Variants in GNAS-AS1 observed in about 807,000 individuals in gnomAD.
GNAS-AS1 encodes GNAS antisense RNA 1.
At chr20:58,819,891 C>T (rs1188368330) in intron 4 of GNAS-AS1, among the ~76,000 whole-genome samples, 2 of 152,208 alleles carry the variant, frequency 1.3e-5, no homozygotes, top group African/African-American at 4.8e-5. Flanking sequence ...TGAGGTAGAA[C>T]AGCTGGGACC....
In GNAS-AS1 at chr20:58,840,381, ACCTTGAGCTGTC is replaced by A. The variant is rs2085671687; in HGVS notation, n.819+1544_819+1555del. On this transcript the variant is annotated intron_variant and non_coding_transcript_variant, in intron 4 of 4. Coordinates refer to ENST00000424094, the Ensembl canonical transcript of GNAS-AS1. This position sits in a 1 kb window ranked among gnomAD's most constrained non-coding sequence, Gnocchi z 6.0. ...TCTGACCACGAGCACGAGGAGGCAG[ACCTTGAGCTGTC>A]CCTCCCCGAGTGCCTAGAGTACGAG... The A allele has an allele frequency of 1.2e-6, 2 of 1,613,408 alleles. No homozygotes were observed. Among genetic ancestry groups the A allele is most frequent in the Non-Finnish European group, 1.7e-6 (2 of 1,179,994 alleles).
intron 4 of GNAS-AS1, among the ~76,000 whole-genome samples, chr20:58,830,145 T>TACC (rs968922408): frequency 7.3e-5 from 11 of 150,136 alleles, no homozygotes; most frequent in African/African-American, 2.4e-4. Flanking sequence ...ACCACCACCA[T>TACC]ACCACCACCA....
exon 3 of GNAS-AS1, chr20:58,842,495 G>C (rs2085777084): frequency 2.5e-6 from 1 of 398,530 alleles, no homozygotes; most frequent in African/African-American, 2.1e-5. Context: ...CCAAGACTTA[G>C]TTCTGCCGGG....
intron 4 of GNAS-AS1, among the ~76,000 whole-genome samples, chr20:58,828,459 A>G (rs937298669): frequency 6.6e-6 from 1 of 152,250 alleles, no homozygotes; most frequent in Non-Finnish European, 1.5e-5. Context: ...ATTGAGGGAT[A>G]GAACTAGGAC....
At chr20:58,832,530 A>T (rs1244871772) in intron 4 of GNAS-AS1, among the ~76,000 whole-genome samples, 1 of 152,232 alleles carries the variant, frequency 6.6e-6, no homozygotes, top group Admixed American at 6.5e-5. Context: ...GTGAGAAGGC[A>T]TTTGCCCCAG....
At chr20:58,848,053 G>T (rs978559583) in intron 2 of GNAS-AS1, among the ~76,000 whole-genome samples, 1 of 152,200 alleles carries the variant, frequency 6.6e-6, no homozygotes, top group African/African-American at 2.4e-5. Flanking sequence ...TCTATTGGGG[G>T]TTCCATATTT....
chr20:58,847,994 G>A (rs2086000905), intron 2 of GNAS-AS1, among the ~76,000 whole-genome samples: 1 of 152,222 alleles, frequency 6.6e-6, no homozygotes, highest in Admixed American at 6.5e-5. Context: ...GAACGGGGCT[G>A]TAATGGTGCT....
At position 58,840,984 on chromosome 20, in the gene GNAS-AS1, G is replaced by A; in HGVS notation, n.819+953C>T. The A allele has an allele frequency of 7.7e-7, 1 of 1,305,506 alleles. No individual in the cohort carries two copies. The highest frequency in any genetic ancestry group is 1.1e-6 in the Non-Finnish European group (1 of 928,034). 80.9% of individuals were successfully genotyped at this position (1,305,506 alleles called of 1,614,324 possible). The stretch of plus-strand genomic sequence containing the variant: ...AGGAAAGGCAGGTCAGGGGCGAGTG[G>A]GAAGAGAGGAGGCTCAGCTGGTCAG... On this transcript the variant is annotated intron_variant and non_coding_transcript_variant, in intron 4 of 4. Transcript: ENST00000424094. This position sits in a 1 kb window ranked among gnomAD's most constrained non-coding sequence, Gnocchi z 6.0.
At chr20:58,820,504 G>A (rs899831436) in intron 4 of GNAS-AS1, among the ~76,000 whole-genome samples, 1 of 152,246 alleles carries the variant, frequency 6.6e-6, no homozygotes, top group Non-Finnish European at 1.5e-5. Context: ...AGAAGCACTA[G>A]TGAACCTTCT....
intron 4 of GNAS-AS1, chr20:58,839,849 A>G (rs1052821754): frequency 1.3e-5 from 8 of 596,178 alleles, no homozygotes; most frequent in Non-Finnish European, 1.8e-5. Flanking sequence ...CCGGGAGGAG[A>G]CAGAACTTTC....
intron 4 of GNAS-AS1, among the ~76,000 whole-genome samples, chr20:58,821,004 C>A (rs957797506): frequency 6.6e-6 from 1 of 152,228 alleles, no homozygotes; most frequent in Non-Finnish European, 1.5e-5. Flanking sequence ...CTGCTCTCCC[C>A]GCTCTCTTCT....
At chr20:58,838,932 A>AT (rs1207397959) in intron 4 of GNAS-AS1, 2 of 397,186 alleles carry the variant, frequency 5.0e-6, no homozygotes, top group African/African-American at 2.1e-5. Context: ...AAAAAAAAAA[A>AT]AAAAAAAAAC....
chr20:58,839,962 C>T, intron 4 of GNAS-AS1: 1 of 812,156 alleles, frequency 1.2e-6, no homozygotes, highest in Non-Finnish European at 2.0e-6. Flanking sequence ...CCTTTTTCTC[C>T]TCACAAGGAG....
chr20:58,840,160 C>A lies in GNAS-AS1; in HGVS notation n.819+1777G>T, dbSNP rs1430025682. 14 of 1,611,748 alleles carry A rather than the reference C, an allele frequency of 8.7e-6. No homozygotes were observed. The highest frequency in any genetic ancestry group is 1.1e-5 in the Non-Finnish European group (13 of 1,179,986). ...GGCGCCGAGCTCGCCATAATTACAA[C>A]GACCTGTGCCCGCCCATAGGCCGCC... On this transcript the variant is annotated intron_variant and non_coding_transcript_variant, in intron 4 of 4. Coordinates refer to ENST00000424094, the Ensembl canonical transcript of GNAS-AS1. This position sits in a 1 kb window ranked among gnomAD's most constrained non-coding sequence, Gnocchi z 6.0.
Position 58,841,411 on chromosome 20 carries a change from T to C in GNAS-AS1, n.819+526A>G. On this transcript the variant is annotated intron_variant and non_coding_transcript_variant, in intron 4 of 4. Transcript: ENST00000424094. The surrounding 1 kb of genome is among the most constrained non-coding windows in gnomAD (Gnocchi z 5.0). ...TCTGAATGGGAATGGGCGAGAACTC[T>C]AGAGACTGACCACCCGGGAGGGAAG... The C allele has an allele frequency of 1.0e-6, 1 of 995,744 alleles. No homozygotes were observed. Among genetic ancestry groups the C allele is most frequent in the Non-Finnish European group, 1.2e-6 (1 of 836,170 alleles). The allele number at this position is 995,744 out of a possible 1,614,324, so 61.7% of individuals were successfully genotyped here.
intron 4 of GNAS-AS1, among the ~76,000 whole-genome samples, chr20:58,828,140 C>T (rs2085532657): frequency 6.6e-6 from 1 of 152,208 alleles, no homozygotes; most frequent in Non-Finnish European, 1.5e-5. Context: ...GCCACCAAGT[C>T]CTACTGGCTT....
Position 58,840,923 on chromosome 20 carries a change from C to T in GNAS-AS1, n.819+1014G>A, listed in dbSNP as rs765578743. On this transcript the variant is annotated intron_variant and non_coding_transcript_variant, in intron 4 of 4. Coordinates refer to ENST00000424094, the Ensembl canonical transcript of GNAS-AS1. The surrounding 1 kb of genome is among the most constrained non-coding windows in gnomAD (Gnocchi z 6.0). ...ACCGCTAAACTGGGGAGCCTGAGGG[C>T]GGTGTGGGAGCAGCGCAGGTGGAAA... 4 of 1,607,018 alleles carry T rather than the reference C, an allele frequency of 2.5e-6. No individual in the cohort carries two copies. Among genetic ancestry groups the T allele is most frequent in the African/African-American group, 1.3e-5 (1 of 74,732 alleles).
At chr20:58,830,501 A>AT (rs1318679629) in intron 4 of GNAS-AS1, among the ~76,000 whole-genome samples, 2 of 85,644 alleles carry the variant, frequency 2.3e-5, no homozygotes, top group African/African-American at 1.0e-4. Context: ...CATCACCACC[A>AT]CACCACCATC....
At chr20:58,848,362 C>G (rs1254589116) in intron 2 of GNAS-AS1, among the ~76,000 whole-genome samples, 1 of 152,190 alleles carries the variant, frequency 6.6e-6, no homozygotes, top group Non-Finnish European at 1.5e-5. Context: ...TCCATCCCAA[C>G]TCGGCCTTTT....
Sources: allele counts gnomAD v4.1 joint callset (sites outside exome capture counted in the v4.1 genomes callset), GRCh38; gene constraint gnomAD v4.1.1; non-coding constraint Gnocchi (gnomAD v3.1); transcripts MANE v1.5; gene names NCBI Gene and HGNC (gene_info 2026-07-23, HGNC 2026-07-21).